The following TANGO6 variants were observed in gnomAD, a reference collection of about 807,000 sequenced individuals.
The protein encoded by TANGO6 is transport and golgi organization 6 homolog.
Under a neutral mutation model 114.2 loss-of-function variants are expected in TANGO6, and 90 were observed. The observed-to-expected ratio is 0.79, with a 90% confidence interval of 0.66 to 0.94. The LOEUF (loss-of-function observed/expected upper bound fraction) is 0.94. Among genes scored for constraint, TANGO6 ranks in the 40% least tolerant of loss-of-function variants. The pLI is 0.00. For synonymous variants in TANGO6, 477 were observed against 509.8 expected, an observed-to-expected ratio of 0.94 and a Z score of 0.87; for missense variants, 1,274 against 1,315.3, an observed-to-expected ratio of 0.97 and a Z score of 0.49.
chr16:68,853,690 G>A (rs934207911), intron 1 of TANGO6, among the ~76,000 whole-genome samples: 1 of 152,146 alleles, frequency 6.6e-6, no homozygotes, highest in African/African-American at 2.4e-5. Flanking sequence ...TATAGGGTAG[G>A]TATATGTTTG....
intron 16 of TANGO6, among the ~76,000 whole-genome samples, chr16:69,038,597 G>T (rs1044094048): frequency 2.6e-5 from 4 of 152,112 alleles, no homozygotes; most frequent in African/African-American, 9.7e-5. Flanking sequence ...TCTTCATTGA[G>T]ATTTTAAAAC....
rs1177682657 is a variant in TANGO6 at position 69,084,687 on chromosome 16, A to G, written c.*1026A>G. 6.6e-6 allele frequency: 1 copy of G among 152,366 alleles called. No homozygotes were observed. Among genetic ancestry groups the G allele is most frequent in the Non-Finnish European group, 1.5e-5 (1 of 68,038 alleles). 9.4% of individuals were successfully genotyped at this position (152,366 alleles called of 1,614,324 possible). The stretch of plus-strand genomic sequence containing the variant: ...TTCATATTAGCCCTCTCTGTTGTCA[A>G]CACCTTGATGAGGCCAACCCAGAGA... On this transcript the variant is annotated 3_prime_UTR_variant, in exon 18 of 18. Coordinates refer to ENST00000261778, the MANE Select transcript of TANGO6 (RefSeq NM_024562.2).
At chr16:68,858,719 G>A (rs1384393820) in intron 1 of TANGO6, among the ~76,000 whole-genome samples, 1 of 152,020 alleles carries the variant, frequency 6.6e-6, no homozygotes, top group Non-Finnish European at 1.5e-5. Flanking sequence ...CTGGGCTCAA[G>A]CGATCCTCCT....
intron 15 of TANGO6, among the ~76,000 whole-genome samples, chr16:69,021,442 A>T (rs899717128): frequency 1.3e-5 from 2 of 152,062 alleles, no homozygotes; most frequent in Non-Finnish European, 2.9e-5. Flanking sequence ...CATTCCCATT[A>T]TTCCTTATTT....
At chr16:69,032,308 C>A (rs1324429802) in intron 16 of TANGO6, among the ~76,000 whole-genome samples, 1 of 152,050 alleles carries the variant, frequency 6.6e-6, no homozygotes, top group Non-Finnish European at 1.5e-5. Context: ...CGCTGTCGCC[C>A]AGGCTGTAGT....
intron 12 of TANGO6, among the ~76,000 whole-genome samples, chr16:68,924,948 C>A (rs947473890): frequency 3.3e-5 from 5 of 152,116 alleles, no homozygotes; most frequent in Admixed American, 1.3e-4. Context: ...CCAGGTCACA[C>A]CCTTGATCAG....
At chr16:68,869,382 G>A (rs1379891668) in intron 4 of TANGO6, among the ~76,000 whole-genome samples, 1 of 152,188 alleles carries the variant, frequency 6.6e-6, no homozygotes, top group African/African-American at 2.4e-5. Context: ...GGTGGCTGAG[G>A]CAGGAGGATT....
intron 4 of TANGO6, among the ~76,000 whole-genome samples, chr16:68,871,898 G>T (rs1032755669): frequency 1.3e-5 from 2 of 152,164 alleles, no homozygotes; most frequent in Non-Finnish European, 2.9e-5. Context: ...GAGTTTACAG[G>T]CGTGAACCAC....
intron 15 of TANGO6, among the ~76,000 whole-genome samples, chr16:68,986,630 G>A (rs903465739): frequency 2.6e-5 from 4 of 152,130 alleles, no homozygotes; most frequent in African/African-American, 7.2e-5. Flanking sequence ...TCTGGGCCGG[G>A]CGCAGTGGCT....
At chr16:68,946,859 C>A (rs2152203885) in intron 14 of TANGO6, among the ~76,000 whole-genome samples, 1 of 152,228 alleles carries the variant, frequency 6.6e-6, no homozygotes, top group South Asian at 2.1e-4. Flanking sequence ...TGTTGCCTAG[C>A]CCAAGATAAT....
In TANGO6 at chr16:68,918,974, T is replaced by C. The variant is rs1963050373; in HGVS notation, c.1993-111T>C. ...AAGTAGCAGTTGTTCTGGATGGTTCTTGCTATCATGATGTAGATGAAGAAG... is the reference window on the plus strand; with the variant it reads ...AAGTAGCAGTTGTTCTGGATGGTTCCTGCTATCATGATGTAGATGAAGAAG... On this transcript the variant is annotated intron_variant, in intron 11 of 17. Coordinates refer to ENST00000261778, the MANE Select transcript of TANGO6 (RefSeq NM_024562.2). 4 of 1,334,638 alleles carry C rather than the reference T, an allele frequency of 3.0e-6. No individual in the cohort carries two copies. The South Asian group carries it at 5.9e-5, about 20-fold the overall frequency. 82.7% of individuals were successfully genotyped at this position (1,334,638 alleles called of 1,614,324 possible).
chr16:68,844,780 A>T (rs750202302), intron 1 of TANGO6, among the ~76,000 whole-genome samples: 1 of 152,152 alleles, frequency 6.6e-6, no homozygotes, highest in Non-Finnish European at 1.5e-5. Flanking sequence ...ATTTTTACGG[A>T]TGAAGGACCA....
At chr16:68,884,766 C>T (rs1426354127) in intron 7 of TANGO6, among the ~76,000 whole-genome samples, 1 of 151,898 alleles carries the variant, frequency 6.6e-6, no homozygotes, top group Non-Finnish European at 1.5e-5. Flanking sequence ...CTCTAAAAAA[C>T]AGAGAGAGAT....
At chr16:68,882,351 G>T (rs1439990112) in intron 7 of TANGO6, among the ~76,000 whole-genome samples, 1 of 151,898 alleles carries the variant, frequency 6.6e-6, no homozygotes, top group Admixed American at 6.6e-5. Context: ...AAAAAAATTA[G>T]CCGGGCGTGG....
chr16:69,031,100 T>TA (rs1037969585), intron 16 of TANGO6, among the ~76,000 whole-genome samples: 17 of 152,020 alleles, frequency 1.1e-4, no homozygotes, highest in Admixed American at 2.0e-4. Context: ...AAATTTTTTT[T>TA]AAAAAAACTG....
intron 14 of TANGO6, among the ~76,000 whole-genome samples, chr16:68,968,286 A>G (rs1351430624): frequency 1.3e-5 from 2 of 151,718 alleles, no homozygotes; most frequent in Non-Finnish European, 2.9e-5. Context: ...GGCTGGTCTC[A>G]AATTCCTGAC....
intron 1 of TANGO6, among the ~76,000 whole-genome samples, chr16:68,848,735 C>T (rs1047249365): frequency 3.3e-5 from 5 of 152,060 alleles, no homozygotes; most frequent in Non-Finnish European, 7.4e-5. Flanking sequence ...TAGCAACCTC[C>T]AAAGGTAACC....
intron 14 of TANGO6, among the ~76,000 whole-genome samples, chr16:68,965,367 A>G (rs1015089517): frequency 2.4e-4 from 36 of 152,142 alleles, no homozygotes; most frequent in Admixed American, 5.9e-4. Flanking sequence ...GTTACAATTC[A>G]TTTTCCCCCT....
At chr16:69,031,287 C>G (rs1472931592) in intron 16 of TANGO6, among the ~76,000 whole-genome samples, 1 of 151,878 alleles carries the variant, frequency 6.6e-6, no homozygotes, top group Non-Finnish European at 1.5e-5. Flanking sequence ...TTGTCATACC[C>G]CCAATACCTA....
Sources: gnomAD v4.1 joint callset for allele counts (sites outside exome capture counted in the v4.1 genomes callset) on GRCh38, gnomAD v4.1.1 for gene constraint, MANE v1.5 for transcripts, NCBI Gene and HGNC (gene_info 2026-07-23, HGNC 2026-07-21) for gene names.